CRIM1: variants seen among roughly 807,000 people sequenced by gnomAD.
CRIM1 encodes cysteine rich transmembrane BMP regulator 1.
CRIM1 carries 32 observed loss-of-function variants against 116.4 expected under a neutral mutation model. The observed-to-expected ratio is 0.27, with a 90% CI of 0.21 to 0.37. CRIM1 has a LOEUF of 0.37. Among genes scored for constraint, CRIM1 ranks in the 10% least tolerant of loss-of-function variants. CRIM1 has a pLI of 1.00. For synonymous variants in CRIM1, 590 were observed against 509.2 expected, an observed-to-expected ratio of 1.16 and a Z score of -2.13; for missense variants, 1,331 against 1,354.8, an observed-to-expected ratio of 0.98 and a Z score of 0.28.
intron 5 of CRIM1, among the ~76,000 whole-genome samples, chr2:36,473,850 A>G (rs996597367): frequency 2.0e-5 from 3 of 152,052 alleles, no homozygotes; most frequent in Non-Finnish European, 2.9e-5. Context: ...TTGTGGGTAT[A>G]TATTTTCATT....
At chr2:36,383,846 C>T (rs1224584460) in intron 1 of CRIM1, among the ~76,000 whole-genome samples, 3 of 152,008 alleles carry the variant, frequency 2.0e-5, no homozygotes, top group African/African-American at 7.3e-5. Context: ...CCGTAAAGGC[C>T]CATTGGAGTG....
chr2:36,541,340 CTCTT>C (rs900778430), intron 14 of CRIM1, among the ~76,000 whole-genome samples: 31 of 152,308 alleles, frequency 2.0e-4, no homozygotes, highest in African/African-American at 7.0e-4. Context: ...TCTGAATATC[CTCTT>C]TCTTTACAAA....
At chr2:36,442,006 TCTTTA>T (rs1675869148) in intron 3 of CRIM1, among the ~76,000 whole-genome samples, 7 of 152,334 alleles carry the variant, frequency 4.6e-5, no homozygotes, top group Admixed American at 4.6e-4. Flanking sequence ...GCATCTGCCC[TCTTTA>T]CTTTATAGCA....
At chr2:36,512,824 G>C (rs1447745284) in intron 10 of CRIM1, among the ~76,000 whole-genome samples, 1 of 152,172 alleles carries the variant, frequency 6.6e-6, no homozygotes, top group Non-Finnish European at 1.5e-5. Flanking sequence ...TTTTCCATGA[G>C]AATTTAGCCT....
chr2:36,432,835 C>G (rs182793910), intron 2 of CRIM1, among the ~76,000 whole-genome samples: 1 of 151,874 alleles, frequency 6.6e-6, no homozygotes, highest in Non-Finnish European at 1.5e-5. Flanking sequence ...TCCAGTAATT[C>G]TGTTTAATTG....
At chr2:36,464,086 A>G (rs144461058) in intron 4 of CRIM1, among the ~76,000 whole-genome samples, 1 of 152,136 alleles carries the variant, frequency 6.6e-6, no homozygotes, top group African/African-American at 2.4e-5. Flanking sequence ...TCTCTGAAAA[A>G]CCCTAAACAT....
intron 14 of CRIM1, among the ~76,000 whole-genome samples, chr2:36,539,118 G>C (rs1362096788): frequency 6.6e-6 from 1 of 152,190 alleles, no homozygotes; most frequent in Non-Finnish European, 1.5e-5. Flanking sequence ...TCCGGCTCTG[G>C]AGAAAGGCAT....
At chr2:36,360,643 T>G (rs2161903) in intron 1 of CRIM1, among the ~76,000 whole-genome samples, 1 of 152,052 alleles carries the variant, frequency 6.6e-6, no homozygotes, top group Non-Finnish European at 1.5e-5. Flanking sequence ...TCAGTGAAGA[T>G]GATGGCTGCT....
At chr2:36,412,333 T>C (rs542741304) in intron 2 of CRIM1, among the ~76,000 whole-genome samples, 41 of 152,252 alleles carry the variant, frequency 2.7e-4, no homozygotes, top group African/African-American at 9.6e-4. Context: ...AAGATCGACA[T>C]AGAATGGAAG....
chr2:36,509,154 C>A (rs1275806803), intron 8 of CRIM1, among the ~76,000 whole-genome samples: 1 of 152,138 alleles, frequency 6.6e-6, no homozygotes, highest in Non-Finnish European at 1.5e-5. Context: ...CCTTATGCTG[C>A]ATACAATATG....
intron 2 of CRIM1, among the ~76,000 whole-genome samples, chr2:36,435,692 T>C (rs1334615601): frequency 6.6e-6 from 1 of 152,040 alleles, no homozygotes; most frequent in Non-Finnish European, 1.5e-5. Context: ...CCTTGACATA[T>C]GGACCTGAAG....
intron 13 of CRIM1, among the ~76,000 whole-genome samples, chr2:36,529,968 G>A (rs939204907): frequency 6.6e-6 from 1 of 152,138 alleles, no homozygotes; most frequent in African/African-American, 2.4e-5. Context: ...AGTATGGAGA[G>A]GTAGGAGTCA....
chr2:36,395,667 T>C (rs1004102451), intron 1 of CRIM1, among the ~76,000 whole-genome samples: 1 of 152,196 alleles, frequency 6.6e-6, no homozygotes, highest in Non-Finnish European at 1.5e-5. Flanking sequence ...CTCCATTCCA[T>C]GATCAGAACC....
intron 2 of CRIM1, among the ~76,000 whole-genome samples, chr2:36,428,848 A>G (rs943454073): frequency 6.6e-6 from 1 of 152,174 alleles, no homozygotes; most frequent in Non-Finnish European, 1.5e-5. Flanking sequence ...CCCCATATAC[A>G]TGTGTTCATT....
At chr2:36,420,397 G>A (rs893647143) in intron 2 of CRIM1, among the ~76,000 whole-genome samples, 5 of 152,262 alleles carry the variant, frequency 3.3e-5, no homozygotes, top group Admixed American at 1.3e-4. Flanking sequence ...AGGTAGAGCC[G>A]AGGTTGGAAC....
chr2:36,542,168 G>C (rs1191874006), intron 14 of CRIM1, among the ~76,000 whole-genome samples: 1 of 152,138 alleles, frequency 6.6e-6, no homozygotes, highest in Non-Finnish European at 1.5e-5. Context: ...TGAGCTGCTG[G>C]AAGTAAGAAG....
At chr2:36,429,410 GTACTCC>G (rs1350036554) in intron 2 of CRIM1, among the ~76,000 whole-genome samples, 1 of 152,138 alleles carries the variant, frequency 6.6e-6, no homozygotes, top group African/African-American at 2.4e-5. Flanking sequence ...TCCCTCCATT[GTACTCC>G]TCTCTGAATT....
At chr2:36,383,538 G>T (rs1356743261) in intron 1 of CRIM1, among the ~76,000 whole-genome samples, 1 of 152,202 alleles carries the variant, frequency 6.6e-6, no homozygotes, top group Non-Finnish European at 1.5e-5. Flanking sequence ...ATGTCGTAGA[G>T]CAGTCACTTA....
intron 16 of CRIM1, among the ~76,000 whole-genome samples, chr2:36,548,058 C>T (rs1235363778): frequency 6.6e-6 from 1 of 152,134 alleles, no homozygotes; most frequent in Non-Finnish European, 1.5e-5. Context: ...ATACAGTTGC[C>T]AGTGTCCAAA....
Sources: gnomAD v4.1 joint callset for allele counts (sites outside exome capture counted in the v4.1 genomes callset) on GRCh38, gnomAD v4.1.1 for gene constraint, MANE v1.5 for transcripts, NCBI Gene and HGNC (gene_info 2026-07-23, HGNC 2026-07-21) for gene names.